Variants in ARHGAP31 observed in about 807,000 individuals in gnomAD.
The protein encoded by ARHGAP31 is Rho GTPase activating protein 31.
Under a neutral mutation model 113.9 loss-of-function variants are expected in ARHGAP31, and 34 were observed. The ratio of observed to expected loss-of-function variants is 0.30; its 90% CI spans 0.23 to 0.40. The LOEUF (loss-of-function observed/expected upper bound fraction) is 0.40, where lower values mean the gene tolerates loss of function less well. Among genes scored for constraint, ARHGAP31 ranks in the 10% least tolerant of loss-of-function variants. The pLI is 1.00. For synonymous variants in ARHGAP31, 650 were observed against 684.8 expected (o/e 0.95, Z 0.79); for missense variants, 1,548 against 1,767.1 (o/e 0.88, Z 2.22).
At chr3:119,316,602 G>C (rs1379493181) in intron 1 of ARHGAP31, among the ~76,000 whole-genome samples, 1 of 152,220 alleles carries the variant, frequency 6.6e-6, no homozygotes, top group Non-Finnish European at 1.5e-5. Flanking sequence ...TGAAATAGTT[G>C]CTGTGGGGCC....
intron 3 of ARHGAP31, among the ~76,000 whole-genome samples, chr3:119,379,928 G>A (rs908377763): frequency 8.5e-5 from 13 of 152,236 alleles, no homozygotes; most frequent in African/African-American, 2.7e-4. Flanking sequence ...GGGAGGGGCC[G>A]TGAGCACAGC....
rs868643290 is a variant in ARHGAP31, at chr3:119,402,531, G to T, written c.1645+134G>T. 1.1e-5 allele frequency: 10 copies of T among 937,178 alleles called. No individual in the cohort carries two copies. The East Asian group carries it at 2.4e-4, about 22-fold the overall frequency. The allele number at this position is 937,178 out of a possible 1,614,324, so 58.1% of individuals were successfully genotyped here. A position where few individuals can be genotyped will look rare whatever the true frequency, so the allele number is the denominator to read the frequency against. On this transcript the variant is annotated intron_variant, in intron 10 of 11. Transcript: ENST00000264245. ...AGAGCCCGATTGGGTACAAATCCACGCTCTGCCATTTTACTGCGTGATCTT... is the reference window on the plus strand; with the variant it reads ...AGAGCCCGATTGGGTACAAATCCACTCTCTGCCATTTTACTGCGTGATCTT...
In ARHGAP31 at chr3:119,294,612, G is replaced by T; in HGVS notation, c.-293G>T. ...GAAGACACCGCAGGAGCCTGTGAAA[G>T]TCCCTAGGACTCCAAGTGAGGAAGT... On this transcript the variant is annotated 5_prime_UTR_variant, in exon 1 of 12. Transcript: ENST00000264245. 1 of 541,278 alleles carries T rather than the reference G, an allele frequency of 1.8e-6. No homozygotes were observed. Among genetic ancestry groups the T allele is most frequent in the Non-Finnish European group, 3.2e-6 (1 of 311,932 alleles). 33.5% of individuals were successfully genotyped at this position (541,278 alleles called of 1,614,324 possible).
intron 1 of ARHGAP31, among the ~76,000 whole-genome samples, chr3:119,360,466 T>G (rs1260714646): frequency 6.6e-5 from 10 of 152,220 alleles, no homozygotes; most frequent in Admixed American, 5.9e-4. Context: ...TCTTTCAATC[T>G]CTGTCTCCAG....
At chr3:119,348,023 C>T (rs1333523009) in intron 1 of ARHGAP31, among the ~76,000 whole-genome samples, 2 of 152,164 alleles carry the variant, frequency 1.3e-5, no homozygotes, top group African/African-American at 2.4e-5. Context: ...AACACCTGTC[C>T]GTGACCTGTT....
rs754103176 is a variant in ARHGAP31 at position 119,413,966 on chromosome 3, C to G, written c.2037C>G (p.Thr679=). 4 of 1,614,184 alleles carry G rather than the reference C, an allele frequency of 2.5e-6. No homozygotes were observed. The highest frequency in any genetic ancestry group is 2.5e-6 in the Non-Finnish European group (3 of 1,180,042). The change falls in exon 12 of 12, where the codon ACC becomes ACG. Residue 679 remains threonine, a synonymous_variant. Transcript: ENST00000264245. ...LSSLPPPALK[T]SPIQPILESS... ...CGTTGCCACCTCCTGCTCTGAAGAC[C>G]AGCCCAATTCAGCCTATTCTCGAGT...
In ARHGAP31 at chr3:119,365,331, A is replaced by G. The variant is rs2080244449; in HGVS notation, c.116A>G (p.Lys39Arg). ...TTTTACATAGTTCCATACGTTTTGAAGAGCTGTGCAGAATTTATAGAGACT... is the reference window on the plus strand; with the variant it reads ...TTTTACATAGTTCCATACGTTTTGAGGAGCTGTGCAGAATTTATAGAGACT... ...SSGQDVPYVLKSCAEFIETHG... is the reference protein window; with the variant it reads ...SSGQDVPYVLRSCAEFIETHG... Residue 39 changes from lysine (K) to arginine (R), a missense_variant, in exon 2 of 12, where the codon AAG becomes AGG. Physicochemically the swap from Lys to Arg is conservative, Grantham distance 26. Transcript: ENST00000264245. 6.2e-7 allele frequency: 1 copy of G among 1,613,916 alleles called. No homozygotes were observed. Among genetic ancestry groups the G allele is most frequent in the African/African-American group, 1.3e-5 (1 of 74,934 alleles).
intron 5 of ARHGAP31, 107 bp from the exon 6 acceptor site, chr3:119,382,977 G>A (rs2080414956): frequency 7.4e-7 from 1 of 1,355,590 alleles, no homozygotes; most frequent in Admixed American, 1.7e-5. Flanking sequence ...TCTATGAACT[G>A]TATCAATTTA....
intron 7 of ARHGAP31, among the ~76,000 whole-genome samples, chr3:119,393,100 T>C (rs1311471726): frequency 2.0e-5 from 3 of 152,188 alleles, no homozygotes; most frequent in East Asian, 1.9e-4. Flanking sequence ...AATGAATGAA[T>C]GGTGTCTTTG....
intron 1 of ARHGAP31, among the ~76,000 whole-genome samples, chr3:119,359,694 A>C (rs571504134): frequency 1.3e-3 from 202 of 152,226 alleles, no homozygotes; most frequent in Middle Eastern, 3.4e-3. Flanking sequence ...ATGGGACAGG[A>C]ACAAAGAACA....
intron 1 of ARHGAP31, among the ~76,000 whole-genome samples, chr3:119,327,043 G>C (rs986240170): frequency 1.3e-5 from 2 of 151,932 alleles, no homozygotes; most frequent in Admixed American, 1.3e-4. Flanking sequence ...CGGAGGCTGA[G>C]GTGGGAGGAT....
At chr3:119,362,711 T>G (rs2080219414) in intron 1 of ARHGAP31, among the ~76,000 whole-genome samples, 1 of 149,126 alleles carries the variant, frequency 6.7e-6, no homozygotes, top group African/African-American at 2.5e-5. Flanking sequence ...AAGGTTGCAG[T>G]GAGCCAAGAT....
intron 3 of ARHGAP31, among the ~76,000 whole-genome samples, chr3:119,369,187 C>T (rs1013272507): frequency 4.6e-5 from 7 of 152,062 alleles, no homozygotes; most frequent in African/African-American, 9.7e-5. Flanking sequence ...GTAGAGATAG[C>T]GTGAAAAACA....
In ARHGAP31 at chr3:119,339,351, C is replaced by A. The variant is rs903829877; in HGVS notation, c.101-25965C>A. ...AGATGTCTATTTTTCCCTAAGCTGA[C>A]TATAAGTTTAATGCAATTCTTATCA... On this transcript the variant is annotated intron_variant, in intron 1 of 11. Transcript: ENST00000264245. Among the ~76,000 whole-genome samples the A allele has an allele frequency of 3.3e-5, 5 of 152,154 alleles. No homozygotes were observed. In the South Asian group the frequency reaches 1.0e-3, roughly 31 times the overall value.
chr3:119,324,833 C>T (rs144737061), intron 1 of ARHGAP31: 20 of 439,564 alleles, frequency 4.5e-5, no homozygotes, highest in African/African-American at 3.0e-4. Context: ...TGGACGACTC[C>T]TTTTAGTAAA....
In ARHGAP31 at chr3:119,414,068, C is replaced by G; in HGVS notation, c.2139C>G (p.Thr713=). Residue 713 remains threonine (T), a synonymous_variant, in exon 12 of 12, where the codon ACC becomes ACG. Transcript: ENST00000264245. Reference sequence around the variant, plus strand: ...GCTCCTTCCCTGCTCCAGTCTCCACCCCTCTGGAGGTGTGGACTAGGGATC... The same window carrying G: ...GCTCCTTCCCTGCTCCAGTCTCCACGCCTCTGGAGGTGTGGACTAGGGATC... The part of the protein sequence containing the change: ...PCGSFPAPVS[T]PLEVWTRDPA... 6.2e-7 allele frequency: 1 copy of G among 1,614,144 alleles called. No homozygotes were observed. The highest frequency in any genetic ancestry group is 8.5e-7 in the Non-Finnish European group (1 of 1,180,034).
intron 8 of ARHGAP31, among the ~76,000 whole-genome samples, chr3:119,397,034 C>T (rs969664877): frequency 2.6e-5 from 4 of 152,154 alleles, no homozygotes; most frequent in Non-Finnish European, 4.4e-5. Flanking sequence ...CTCTGAGTAA[C>T]GCAGCTAAGA....
chr3:119,406,064 C>G (rs1382960594), intron 10 of ARHGAP31, among the ~76,000 whole-genome samples: 1 of 152,152 alleles, frequency 6.6e-6, no homozygotes, highest in Admixed American at 6.5e-5. Flanking sequence ...AGGACCAAAG[C>G]AGGGGAGAAC....
At chr3:119,335,717 G>A (rs1035493778) in intron 1 of ARHGAP31, among the ~76,000 whole-genome samples, 1 of 152,218 alleles carries the variant, frequency 6.6e-6, no homozygotes, top group East Asian at 1.9e-4. Context: ...CTTGGGGGCA[G>A]TGTCTCCACA....
Sources: allele counts gnomAD v4.1 joint callset (sites outside exome capture counted in the v4.1 genomes callset), GRCh38; gene constraint gnomAD v4.1.1; transcripts MANE v1.5; gene names NCBI Gene and HGNC (gene_info 2026-07-23, HGNC 2026-07-21).